Variants in SLC14A2 observed in about 807,000 individuals in gnomAD.
SLC14A2 encodes the protein solute carrier family 14 member 2.
In SLC14A2, 91 loss-of-function variants were observed where a neutral mutation model predicts 104.6. That is an observed-to-expected ratio of 0.87 (90% CI 0.73 to 1.04). The LOEUF (loss-of-function observed/expected upper bound fraction) is 1.04. Ranked by LOEUF, SLC14A2 falls within the 50% of genes least tolerant of loss-of-function variation. The pLI is 0.00. For missense variants in SLC14A2, 1,189 were observed against 1,156.0 expected, an observed-to-expected ratio of 1.03 and a Z score of -0.41; for synonymous variants, 476 against 466.4, an observed-to-expected ratio of 1.02 and a Z score of -0.27.
chr18:45,221,061 A>T (rs2084057234), intron 1 of SLC14A2, among the ~76,000 whole-genome samples: 1 of 152,198 alleles, frequency 6.6e-6, no homozygotes, highest in African/African-American at 2.4e-5. Context: ...CCCTATCTCC[A>T]ACTACAGTCA....
At chr18:45,202,287 C>G in the SLC14A2 span, among the ~76,000 whole-genome samples, 1 of 152,006 alleles carries the variant, frequency 6.6e-6, no homozygotes, top group Non-Finnish European at 1.5e-5. Flanking sequence ...GTTTCATTTC[C>G]AAAGGCAAGG....
intron 1 of SLC14A2, among the ~76,000 whole-genome samples, chr18:45,243,938 C>T (rs538839624): frequency 3.9e-5 from 6 of 152,122 alleles, no homozygotes; most frequent in African/African-American, 7.2e-5. Flanking sequence ...CTGATTGGCA[C>T]AAGAGTTATG....
At chr18:45,355,448 T>C (rs1279086558) in intron 1 of SLC14A2, among the ~76,000 whole-genome samples, 1 of 151,522 alleles carries the variant, frequency 6.6e-6, no homozygotes, top group Non-Finnish European at 1.5e-5. Context: ...CATGGTGGTG[T>C]GTGCCTGTAA....
At chr18:45,290,812 A>G (rs1345063968) in intron 1 of SLC14A2, among the ~76,000 whole-genome samples, 1 of 152,198 alleles carries the variant, frequency 6.6e-6, no homozygotes, top group Non-Finnish European at 1.5e-5. Flanking sequence ...AAAATTTAAA[A>G]TTTCATATGT....
chr18:45,623,926 G>A lies in SLC14A2; in HGVS notation c.-34-705G>A, dbSNP rs563495112. On this transcript the variant is annotated intron_variant, in intron 1 of 19. Coordinates refer to ENST00000255226, the MANE Select transcript of SLC14A2 (RefSeq NM_007163.4). ...CAAATGGCTGTATGGGAAGGAGAGA[G>A]TACAGCACTACCAAGGGGAAGCCAG... Among the ~76,000 whole-genome samples the A allele has an allele frequency of 4.6e-5, 7 of 152,284 alleles. No homozygotes were observed. The East Asian group carries it at 1.3e-3, about 29-fold the overall frequency.
At chr18:45,171,398 A>AG in the SLC14A2 span, among the ~76,000 whole-genome samples, 70 of 152,242 alleles carry the variant, frequency 4.6e-4, no homozygotes, top group African/African-American at 1.5e-3. Flanking sequence ...CCATTTGCAA[A>AG]GGGAGGGTAA....
intron 1 of SLC14A2, among the ~76,000 whole-genome samples, chr18:45,301,498 C>T (rs1212842711): frequency 4.6e-5 from 7 of 152,168 alleles, no homozygotes; most frequent in Non-Finnish European, 7.3e-5. Flanking sequence ...TCCTGAGGCC[C>T]CACCTCTCTG....
intron 1 of SLC14A2, among the ~76,000 whole-genome samples, chr18:45,435,998 C>T (rs1253571261): frequency 6.6e-6 from 1 of 152,026 alleles, no homozygotes; most frequent in African/African-American, 2.4e-5. Flanking sequence ...TATGACATGC[C>T]AGAGGAGCTT....
chr18:45,539,958 G>T (rs1168139052), intron 2 of SLC14A2, among the ~76,000 whole-genome samples: 1 of 152,004 alleles, frequency 6.6e-6, no homozygotes, highest in African/African-American at 2.4e-5. Context: ...AATACTGTAT[G>T]TGAAACAGGG....
intron 19 of SLC14A2, among the ~76,000 whole-genome samples, chr18:45,679,649 T>C (rs767074746): frequency 6.6e-6 from 1 of 152,202 alleles, no homozygotes; most frequent in Non-Finnish European, 1.5e-5. Context: ...ACACTTTGCA[T>C]GGACAACAAG....
At chr18:45,201,314 G>A in the SLC14A2 span, among the ~76,000 whole-genome samples, 1 of 152,126 alleles carries the variant, frequency 6.6e-6, no homozygotes, top group Non-Finnish European at 1.5e-5. Flanking sequence ...GGGGAGTTAT[G>A]TTCTATCTTC....
intron 1 of SLC14A2, among the ~76,000 whole-genome samples, chr18:45,398,086 T>C (rs1432523217): frequency 6.6e-6 from 1 of 152,136 alleles, no homozygotes; most frequent in Non-Finnish European, 1.5e-5. Context: ...ACAAAAAAAG[T>C]CGATATTTAT....
chr18:45,655,603 TG>T (rs1339684947), intron 10 of SLC14A2, among the ~76,000 whole-genome samples: 1 of 151,890 alleles, frequency 6.6e-6, no homozygotes, highest in Non-Finnish European at 1.5e-5. Flanking sequence ...TAGCTACGTC[TG>T]CCATAGGTTG....
intron 1 of SLC14A2, among the ~76,000 whole-genome samples, chr18:45,432,832 C>T (rs935178543): frequency 1.3e-5 from 2 of 152,136 alleles, no homozygotes; most frequent in African/African-American, 4.8e-5. Context: ...TACTGCCTGA[C>T]CCTGAGTCAT....
intron 1 of SLC14A2, among the ~76,000 whole-genome samples, chr18:45,454,594 A>G (rs2086911365): frequency 6.6e-6 from 1 of 152,144 alleles, no homozygotes; most frequent in African/African-American, 2.4e-5. Context: ...TATGTCCTGA[A>G]TGGTATTGCC....
intron 1 of SLC14A2, among the ~76,000 whole-genome samples, chr18:45,431,725 G>A (rs374544226): frequency 1.3e-5 from 2 of 152,196 alleles, no homozygotes; most frequent in Non-Finnish European, 2.9e-5. Context: ...GTGCCCACAG[G>A]TCAGTGAATA....
intron 1 of SLC14A2, among the ~76,000 whole-genome samples, chr18:45,369,084 G>T (rs2085695851): frequency 6.6e-6 from 1 of 152,118 alleles, no homozygotes; most frequent in African/African-American, 2.4e-5. Context: ...TGATTATTCT[G>T]CATGGGTCTC....
At chr18:45,321,115 C>T (rs1333448620) in intron 1 of SLC14A2, among the ~76,000 whole-genome samples, 1 of 152,182 alleles carries the variant, frequency 6.6e-6, no homozygotes, top group African/African-American at 2.4e-5. Context: ...ACTATTTGGT[C>T]TAAGGATCGA....
At chr18:45,455,197 CAT>C (rs889315634) in intron 1 of SLC14A2, among the ~76,000 whole-genome samples, 6 of 152,134 alleles carry the variant, frequency 3.9e-5, no homozygotes, top group African/African-American at 1.2e-4. Context: ...CATGTACACA[CAT>C]GTTTATTGCA....
Sources: gnomAD v4.1 joint callset for allele counts (sites outside exome capture counted in the v4.1 genomes callset) on GRCh38, gnomAD v4.1.1 for gene constraint, MANE v1.5 for transcripts, NCBI Gene and HGNC (gene_info 2026-07-23, HGNC 2026-07-21) for gene names.